The following CSMD1 variants were observed in gnomAD, a reference collection of about 807,000 sequenced individuals.
CSMD1 encodes CUB and sushi domain-containing protein 1.
In CSMD1, 213 loss-of-function variants were observed where a neutral mutation model predicts 417.5. The ratio of observed to expected loss-of-function variants is 0.51; its 90% confidence interval spans 0.46 to 0.57. The LOEUF (loss-of-function observed/expected upper bound fraction) is 0.57, where lower values mean the gene tolerates loss of function less well. Ranked by LOEUF, CSMD1 falls within the 20% of genes least tolerant of loss-of-function variation. CSMD1 has a pLI of 0.00. For synonymous variants in CSMD1, 2,862 were observed against 1,736.8 expected, an observed-to-expected ratio of 1.65 and a Z score of -16.11; for missense variants, 6,923 against 4,529.7, an observed-to-expected ratio of 1.53 and a Z score of -15.17.
chr8:3,770,464 G>C (rs529568040), intron 5 of CSMD1, among the ~76,000 whole-genome samples: 32 of 152,286 alleles, frequency 2.1e-4, no homozygotes, highest in Middle Eastern at 3.4e-3. Flanking sequence ...AAGAGGCAGA[G>C]ATTGCAGTGA....
rs958199476 is a variant in CSMD1, at chr8:4,240,223, G to A, written c.415+179730C>T. ...TGATTTTGACAACCGGCTGCAGAGC[G>A]TAGCTTGTGCTAACCTGTTTCATGA... On this transcript the variant is annotated intron_variant, in intron 3 of 69. Transcript: ENST00000635120. Among the ~76,000 whole-genome samples, 3 of 152,356 alleles carry A rather than the reference G, an allele frequency of 2.0e-5. No individual in the cohort carries two copies. The South Asian group carries it at 6.2e-4, about 32-fold the overall frequency.
chr8:4,952,302 T>A (rs1216283071), intron 1 of CSMD1, among the ~76,000 whole-genome samples: 1 of 151,720 alleles, frequency 6.6e-6, no homozygotes, highest in Non-Finnish European at 1.5e-5. Context: ...ATAATCAAGT[T>A]AATTAGCCAA....
At chr8:3,877,493 G>A (rs1367100914) in intron 5 of CSMD1, among the ~76,000 whole-genome samples, 3 of 152,098 alleles carry the variant, frequency 2.0e-5, no homozygotes, top group Non-Finnish European at 2.9e-5. Context: ...CTAAGACGAG[G>A]GAGGAAATTT....
intron 3 of CSMD1, among the ~76,000 whole-genome samples, chr8:4,286,441 G>C (rs1048715796): frequency 6.6e-5 from 10 of 152,100 alleles, no homozygotes; most frequent in Admixed American, 6.6e-4. Flanking sequence ...AGTATGTTTA[G>C]TCGGTTGCAA....
At chr8:4,790,494 T>C (rs541256270) in intron 1 of CSMD1, among the ~76,000 whole-genome samples, 9 of 152,260 alleles carry the variant, frequency 5.9e-5, no homozygotes, top group African/African-American at 1.7e-4. Context: ...TAAAATTTAT[T>C]TGGAACCAAA....
At chr8:4,851,171 C>T (rs943307558) in intron 1 of CSMD1, among the ~76,000 whole-genome samples, 1 of 145,164 alleles carries the variant, frequency 6.9e-6, no homozygotes, top group Admixed American at 7.3e-5. Flanking sequence ...TATTCAATTC[C>T]CACCTATGAG....
At chr8:3,576,985 C>A (rs892111705) in intron 9 of CSMD1, among the ~76,000 whole-genome samples, 3 of 152,156 alleles carry the variant, frequency 2.0e-5, no homozygotes, top group African/African-American at 7.2e-5. Context: ...AGCAATGTAA[C>A]CATATTGGCA....
chr8:3,251,449 C>T, intron 26 of CSMD1, among the ~76,000 whole-genome samples: 1 of 152,126 alleles, frequency 6.6e-6, no homozygotes, highest in Non-Finnish European at 1.5e-5. Flanking sequence ...CAGTATCATG[C>T]TGTTTTGGTT....
intron 1 of CSMD1, among the ~76,000 whole-genome samples, chr8:4,959,890 G>A (rs1287499653): frequency 2.6e-5 from 4 of 152,172 alleles, no homozygotes; most frequent in Non-Finnish European, 4.4e-5. Flanking sequence ...TCCCTCATTA[G>A]AATTGCAACA....
chr8:3,553,669 G>T (rs1212123465), intron 10 of CSMD1, among the ~76,000 whole-genome samples: 2 of 152,084 alleles, frequency 1.3e-5, no homozygotes, highest in Non-Finnish European at 2.9e-5. Flanking sequence ...TGTTAACTTG[G>T]GATAGGGAAA....
rs558062100 is a variant in CSMD1, at chr8:3,289,574, C to T, written c.3951-5228G>A. 3.1e-4 allele frequency among the ~76,000 whole-genome samples: 31 copies of T among 98,658 alleles called. 1 individual carries two copies. The highest frequency in any genetic ancestry group is 4.8e-4 in the Non-Finnish European group (20 of 41,858). The allele number at this position is 98,658 out of a possible 152,430, so 64.7% of individuals were successfully genotyped here. A position where few individuals can be genotyped will look rare whatever the true frequency, so the allele number is the denominator to read the frequency against. ...TTTTGATTTGCATTTCTCTGATGGC[C>T]GGTGATGATGAGCATTTTTTCATGT... On this transcript the variant is annotated intron_variant, in intron 25 of 69. Transcript: ENST00000635120.
intron 23 of CSMD1, among the ~76,000 whole-genome samples, chr8:3,321,619 C>G (rs145717870): frequency 8.5e-4 from 130 of 152,244 alleles, no homozygotes; most frequent in African/African-American, 3.1e-3. Flanking sequence ...CTGAGTCTGG[C>G]AGTGAAAGTG....
At chr8:3,701,035 G>C (rs894120988) in intron 7 of CSMD1, among the ~76,000 whole-genome samples, 16 of 151,862 alleles carry the variant, frequency 1.1e-4, no homozygotes, top group Admixed American at 9.8e-4. Flanking sequence ...ATGTCGGGGG[G>C]CAGTCAGGGC....
At chr8:3,767,205 C>G (rs928015133) in intron 5 of CSMD1, among the ~76,000 whole-genome samples, 2 of 152,232 alleles carry the variant, frequency 1.3e-5, no homozygotes, top group Non-Finnish European at 2.9e-5. Flanking sequence ...CAAGTTCATT[C>G]CATGCACAGG....
At chr8:4,802,981 T>C (rs1052227958) in intron 1 of CSMD1, among the ~76,000 whole-genome samples, 1 of 152,194 alleles carries the variant, frequency 6.6e-6, no homozygotes, top group South Asian at 2.1e-4. Context: ...TCAGAATCTT[T>C]ATGTTATTAG....
At chr8:4,774,391 C>G (rs866030541) in intron 1 of CSMD1, among the ~76,000 whole-genome samples, 7 of 152,056 alleles carry the variant, frequency 4.6e-5, no homozygotes, top group African/African-American at 1.7e-4. Context: ...TTGAATCCCA[C>G]CTCCAGTTGG....
At position 2,936,416 on chromosome 8, in the gene CSMD1, T is replaced by G. The variant is rs1389317445; in HGVS notation, c.*2169A>C. ...ATGTATATATATACACTAATATGTA[T>G]AGTAACCCTGTTCTCCCTTGCACAC... On this transcript the variant is annotated 3_prime_UTR_variant, in exon 70 of 70. Coordinates refer to ENST00000635120, the MANE Select transcript of CSMD1 (RefSeq NM_033225.6). 6.6e-6 allele frequency: 1 copy of G among 151,698 alleles called. No individual in the cohort carries two copies. The highest frequency in any genetic ancestry group is 2.4e-5 in the African/African-American group (1 of 41,312). The allele number at this position is 151,698 out of a possible 1,614,324, so 9.4% of individuals were successfully genotyped here. A position where few individuals can be genotyped will look rare whatever the true frequency, so the allele number is the denominator to read the frequency against.
chr8:4,483,939 A>G (rs1405571634), intron 2 of CSMD1, among the ~76,000 whole-genome samples: 1 of 152,138 alleles, frequency 6.6e-6, no homozygotes, highest in East Asian at 1.9e-4. Context: ...TTGTTGTATA[A>G]TGTCGTTGTC....
At chr8:4,134,662 T>C (rs1003350676) in intron 3 of CSMD1, among the ~76,000 whole-genome samples, 2 of 152,174 alleles carry the variant, frequency 1.3e-5, no homozygotes, top group African/African-American at 4.8e-5. Context: ...TCTAGAATCA[T>C]TCAAATTTTC....
Sources: gnomAD v4.1 joint callset for allele counts (sites outside exome capture counted in the v4.1 genomes callset) on GRCh38, gnomAD v4.1.1 for gene constraint, MANE v1.5 for transcripts, NCBI Gene and HGNC (gene_info 2026-07-23, HGNC 2026-07-21) for gene names.